Variants in RB1CC1 observed in about 807,000 individuals in gnomAD.
RB1CC1 encodes the protein RB1-inducible coiled-coil protein 1.
RB1CC1 carries 46 observed loss-of-function variants against 177.5 expected under a neutral mutation model. The observed-to-expected ratio is 0.26, with a 90% confidence interval of 0.20 to 0.33. The LOEUF (loss-of-function observed/expected upper bound fraction) is 0.33, where lower values mean the gene tolerates loss of function less well. Among genes scored for constraint, RB1CC1 ranks in the 10% least tolerant of loss-of-function variants. The pLI is 1.00. For synonymous variants in RB1CC1, 666 were observed against 613.6 expected, an observed-to-expected ratio of 1.09 and a Z score of -1.26; for missense variants, 1,703 against 1,816.3, an observed-to-expected ratio of 0.94 and a Z score of 1.13.
At chr8:52,707,432 C>CTTTTTTTTTTTTTTT (rs386412758) in intron 1 of RB1CC1, among the ~76,000 whole-genome samples, 2 of 128,850 alleles carry the variant, frequency 1.6e-5, no homozygotes, top group African/African-American at 2.9e-5. Flanking sequence ...TTCTTTCTTT[C>CTTTTTTTTTTTTTTT]TTTTTTTTTT....
At chr8:52,659,237 G>C (rs1851382929) in intron 12 of RB1CC1, among the ~76,000 whole-genome samples, 1 of 151,854 alleles carries the variant, frequency 6.6e-6, no homozygotes, top group Admixed American at 6.6e-5. Flanking sequence ...TCATTTTATG[G>C]GAATTACAAT....
chr8:52,680,096 A>G (rs1281107940), intron 5 of RB1CC1, among the ~76,000 whole-genome samples: 1 of 152,050 alleles, frequency 6.6e-6, no homozygotes, highest in East Asian at 1.9e-4. Context: ...AAACACAAGC[A>G]AAAATTTTAA....
intron 22 of RB1CC1, 24 bp from the exon 23 acceptor site, chr8:52,624,811 T>C: frequency 6.3e-6 from 9 of 1,430,062 alleles, no homozygotes; most frequent in Non-Finnish European, 8.5e-6. Context: ...ATAGTTAATC[T>C]CTTTTTGAAA....
At chr8:52,630,595 A>T in intron 20 of RB1CC1, 67 bp from the exon 21 acceptor site, 1 of 1,486,822 alleles carries the variant, frequency 6.7e-7, no homozygotes, top group Non-Finnish European at 8.9e-7. Flanking sequence ...TACTGCAAAA[A>T]TTTCACCCAC....
Position 52,642,580 on chromosome 8 carries a change from ACT to A in RB1CC1, c.4106_4107del (p.Glu1369ValfsTer4). On this transcript the variant is annotated frameshift_variant, in exon 18 of 24. Transcript: ENST00000025008. LOFTEE classifies it high-confidence loss of function. ...QQQERDKDLIESLSEDRARLL... is the reference protein window; with the variant it reads ...QQQERDKDLIXSLSEDRARLL... Reference sequence around the variant, plus strand: ...AAACGAGCTCGATCTTCAGAAAGTGACTCTATCAAATCTGAAGGACACCCAAA... The same window carrying A: ...AAACGAGCTCGATCTTCAGAAAGTGACTATCAAATCTGAAGGACACCCAAA... 1 of 1,613,874 alleles carries A rather than the reference ACT, an allele frequency of 6.2e-7. No individual in the cohort carries two copies. The highest frequency in any genetic ancestry group is 1.1e-5 in the South Asian group (1 of 91,060).
chr8:52,707,794 T>C (rs1856712033), intron 1 of RB1CC1, among the ~76,000 whole-genome samples: 1 of 152,208 alleles, frequency 6.6e-6, no homozygotes, highest in Non-Finnish European at 1.5e-5. Flanking sequence ...TTGTACTATC[T>C]GCCCACCCCT....
intron 15 of RB1CC1, among the ~76,000 whole-genome samples, chr8:52,646,762 G>C (rs1479239702): frequency 6.6e-6 from 1 of 152,124 alleles, no homozygotes; most frequent in Non-Finnish European, 1.5e-5. Context: ...ACAAACACTG[G>C]TTAATGATTA....
chr8:52,697,555 G>C (rs1413806947), intron 1 of RB1CC1, among the ~76,000 whole-genome samples: 1 of 152,196 alleles, frequency 6.6e-6, no homozygotes, highest in Admixed American at 6.5e-5. Context: ...TGTGTAAAAT[G>C]ATGCCTGAGT....
chr8:52,630,465 C>A lies in RB1CC1; in HGVS notation c.4499+5G>T. 1 of 1,573,600 alleles carries A rather than the reference C, an allele frequency of 6.4e-7. No homozygotes were observed. The highest frequency in any genetic ancestry group is 1.4e-5 in the African/African-American group (1 of 72,440). ...GAAAAATACTCACAAAACTAAAATA[C>A]TTACTCTCTAATAGCTATCTTTTCA... On this transcript the variant is annotated splice_donor_5th_base_variant and intron_variant, in intron 21 of 23. Transcript: ENST00000025008.
chr8:52,679,030 C>G (rs1190305370), intron 5 of RB1CC1, among the ~76,000 whole-genome samples: 1 of 152,134 alleles, frequency 6.6e-6, no homozygotes, highest in Admixed American at 6.5e-5. Flanking sequence ...CCCACACATA[C>G]AATATATGCA....
At chr8:52,708,640 C>G (rs755885628) in intron 1 of RB1CC1, among the ~76,000 whole-genome samples, 2 of 152,144 alleles carry the variant, frequency 1.3e-5, no homozygotes, top group Non-Finnish European at 2.9e-5. Flanking sequence ...TTACAGAACT[C>G]TTAAGTAGTT....
intron 1 of RB1CC1, among the ~76,000 whole-genome samples, chr8:52,691,801 C>T (rs1467279422): frequency 2.0e-5 from 3 of 152,194 alleles, no homozygotes; most frequent in African/African-American, 7.2e-5. Context: ...CATCATTTCC[C>T]ATGGGTCTAC....
At chr8:52,666,653 TAA>T (rs755639967) in intron 8 of RB1CC1, among the ~76,000 whole-genome samples, 1 of 152,106 alleles carries the variant, frequency 6.6e-6, no homozygotes, top group African/African-American at 2.4e-5. Flanking sequence ...GATGAATGGC[TAA>T]GACTAAATAT....
At chr8:52,638,068 A>C (rs1266434961) in intron 18 of RB1CC1, among the ~76,000 whole-genome samples, 1 of 152,112 alleles carries the variant, frequency 6.6e-6, no homozygotes, top group Non-Finnish European at 1.5e-5. Context: ...CTTCATCTTG[A>C]TTTTAGGGGA....
At chr8:52,632,901 A>T (rs1196405689) in intron 20 of RB1CC1, among the ~76,000 whole-genome samples, 1 of 152,182 alleles carries the variant, frequency 6.6e-6, no homozygotes, top group African/African-American at 2.4e-5. Flanking sequence ...TGCGTATATG[A>T]TTGCTTTCTC....
chr8:52,667,080 A>AT (rs930207781), intron 8 of RB1CC1, among the ~76,000 whole-genome samples: 1 of 152,212 alleles, frequency 6.6e-6, no homozygotes, highest in Non-Finnish European at 1.5e-5. Context: ...TCATACTAAA[A>AT]TTGCTAAAAA....
chr8:52,629,541 A>C (rs1028523721), intron 21 of RB1CC1, among the ~76,000 whole-genome samples: 1 of 152,164 alleles, frequency 6.6e-6, no homozygotes, highest in Non-Finnish European at 1.5e-5. Flanking sequence ...GGTTCAGGCC[A>C]TGACAAAAGG....
At chr8:52,636,177 T>G (rs1849130227) in intron 18 of RB1CC1, 108 bp from the exon 19 acceptor site, 5 of 1,217,954 alleles carry the variant, frequency 4.1e-6, no homozygotes, top group Non-Finnish European at 4.4e-6. Flanking sequence ...TTTAAGGGTT[T>G]TCATAAATTT....
At chr8:52,708,225 G>A (rs1305959338) in intron 1 of RB1CC1, among the ~76,000 whole-genome samples, 1 of 152,128 alleles carries the variant, frequency 6.6e-6, no homozygotes, top group African/African-American at 2.4e-5. Context: ...ATCTTTAAAA[G>A]TCAAAGTATT....
Sources: allele counts gnomAD v4.1 joint callset (sites outside exome capture counted in the v4.1 genomes callset), GRCh38; gene constraint gnomAD v4.1.1; transcripts MANE v1.5; gene names NCBI Gene and HGNC (gene_info 2026-07-23, HGNC 2026-07-21).